TLE2: variants seen among roughly 807,000 people sequenced by gnomAD.
TLE2 encodes TLE family member 2, transcriptional corepressor.
A neutral mutation model predicts 97.2 loss-of-function variants in TLE2; 74 were observed. That is an observed-to-expected ratio of 0.76 (90% confidence interval 0.63 to 0.92). TLE2 has a LOEUF of 0.92. TLE2 is among the 40% of genes least tolerant of loss of function. TLE2 has a pLI of 0.00. For missense variants in TLE2, 1,038 were observed against 1,008.7 expected (o/e 1.03, Z -0.39); for synonymous variants, 499 against 432.1 (o/e 1.15, Z -1.92).
chr19:3,029,599 C>T (rs1835718207), upstream of TLE2: 1 of 447,066 alleles, frequency 2.2e-6, no homozygotes. Flanking sequence ...AGTCTGGAGT[C>T]GGAAATGGCT....
chr19:3,015,903 A>C (rs952360669), intron 8 of TLE2, 143 bp from the exon 9 acceptor site: 2 of 711,904 alleles, frequency 2.8e-6, no homozygotes, highest in African/African-American at 3.5e-5. Context: ...GGGAGCTTCC[A>C]ACGGCTGACT....
Position 3,029,244 on chromosome 19 carries a change from C to T in TLE2, c.-340G>A, listed in dbSNP as rs989327386. ...CGGTGGCGGCGGCGCGGGCGGCGGG[C>T]CCCGCGCGGAGCCGCCTCCCTCCGG... is the stretch of plus-strand genomic sequence containing the variant. On this transcript the variant is annotated 5_prime_UTR_variant, in exon 1 of 20. Coordinates refer to ENST00000262953, the MANE Select transcript of TLE2 (RefSeq NM_003260.5). The T allele has an allele frequency of 3.7e-6, 1 of 267,248 alleles. No individual in the cohort carries two copies. The highest frequency in any genetic ancestry group is 5.6e-6 in the Non-Finnish European group (1 of 177,836). The allele number at this position is 267,248 out of a possible 1,614,324, so 16.6% of individuals were successfully genotyped here.
At chr19:2,999,462 TCA>T (rs2089301372) in intron 19 of TLE2, among the ~76,000 whole-genome samples, 1 of 152,114 alleles carries the variant, frequency 6.6e-6, no homozygotes, top group Non-Finnish European at 1.5e-5. Flanking sequence ...GTGTGGTGGC[TCA>T]CACCTGTAAT....
chr19:3,023,240 A>G (rs2089881303), intron 5 of TLE2, among the ~76,000 whole-genome samples: 1 of 151,890 alleles, frequency 6.6e-6, no homozygotes, highest in African/African-American at 2.4e-5. Flanking sequence ...GTTTCACCAT[A>G]CTGGCCAGGT....
At chr19:3,025,409 C>T (rs551562122) in intron 4 of TLE2, 16 of 1,145,844 alleles carry the variant, frequency 1.4e-5, no homozygotes, top group South Asian at 3.3e-5. Flanking sequence ...CCAACTCAGA[C>T]GCAGACACTC....
At chr19:2,998,148 G>A (rs974484122) in intron 19 of TLE2, among the ~76,000 whole-genome samples, 193 bp from the exon 20 acceptor site, 5 of 151,862 alleles carry the variant, frequency 3.3e-5, no homozygotes, top group Admixed American at 1.3e-4. Context: ...TTGGCTCACT[G>A]CAACCTCCAC....
chr19:2,998,119 G>C (rs1476944390), intron 19 of TLE2, among the ~76,000 whole-genome samples, 164 bp from the exon 20 acceptor site: 6 of 151,936 alleles, frequency 3.9e-5, no homozygotes. Flanking sequence ...CGCCCAGGCT[G>C]AAGTGCAGTG....
chr19:3,022,913 T>C (rs563053847), intron 5 of TLE2, among the ~76,000 whole-genome samples: 3 of 152,280 alleles, frequency 2.0e-5, no homozygotes, highest in African/African-American at 7.2e-5. Context: ...GGAAATGATA[T>C]GTACATGAGT....
chr19:3,024,751 G>A (rs564651548), intron 5 of TLE2, among the ~76,000 whole-genome samples: 24 of 152,318 alleles, frequency 1.6e-4, no homozygotes, highest in African/African-American at 5.5e-4. Context: ...AGGGCTTGAG[G>A]GGGTCAGCTC....
intron 5 of TLE2, among the ~76,000 whole-genome samples, chr19:3,023,326 G>A (rs944289299): frequency 6.6e-6 from 1 of 152,114 alleles, no homozygotes; most frequent in Non-Finnish European, 1.5e-5. Flanking sequence ...GTGAGCCACT[G>A]GGCTCGGCCT....
chr19:3,045,622 GC>G (rs1463847606), intron 1 of TLE2: 1 of 354,848 alleles, frequency 2.8e-6, no homozygotes, highest in East Asian at 8.0e-5. Flanking sequence ...TTCGAGACCA[GC>G]CTGGCCAACA....
intron 8 of TLE2, 127 bp from the exon 9 acceptor site, chr19:3,015,887 G>C (rs756460712): frequency 7.1e-5 from 52 of 734,744 alleles, no homozygotes; most frequent in Non-Finnish European, 1.1e-4. Flanking sequence ...TTCCCATCTG[G>C]GAAATGGGAG....
At chr19:2,998,313 T>C (rs1176676841) in intron 19 of TLE2, among the ~76,000 whole-genome samples, 1 of 150,192 alleles carries the variant, frequency 6.7e-6, no homozygotes, top group East Asian at 2.0e-4. Flanking sequence ...GGTCTAACTC[T>C]GTTGCCCAGG....
rs1375736548 is a variant in TLE2 at position 3,022,541 on chromosome 19, A to AT, written c.294+2478_294+2479insA. Among the ~76,000 whole-genome samples the AT allele has an allele frequency of 3.4e-4, 52 of 152,198 alleles. 1 individual carries two copies. The highest frequency in any genetic ancestry group is 1.3e-4 in the Admixed American group (2 of 15,270). On this transcript the variant is annotated intron_variant, in intron 5 of 19. Transcript: ENST00000262953. ...AAGACTCTGTCTCAAAAAAAAAAAA[A>AT]ATTTTTTTAAGGAAAAAAATAATAG... is the stretch of plus-strand genomic sequence containing the variant.
In TLE2 at chr19:3,026,455, T is replaced by TAAAA. The variant is rs34783402; in HGVS notation, c.231+1370_231+1373dup. ...AAGAGTGAAACTTTGTCTCAAAATTTAAAAAAAAAAAAAAAAAAAAAAAAT... is the reference window on the plus strand; with the variant it reads ...AAGAGTGAAACTTTGTCTCAAAATTTAAAAAAAAAAAAAAAAAAAAAAAAAAAAT... On this transcript the variant is annotated intron_variant, in intron 4 of 19. Coordinates refer to ENST00000262953, the MANE Select transcript of TLE2 (RefSeq NM_003260.5). Among the ~76,000 whole-genome samples, 1,024 of 111,246 alleles carry TAAAA rather than the reference T, an allele frequency of 9.2e-3. 9 individuals carry two copies. The highest frequency in any genetic ancestry group is 0.031 in the African/African-American group (963 of 30,734). 73.0% of individuals were successfully genotyped at this position (111,246 alleles called of 152,430 possible). A position where few individuals can be genotyped will look rare whatever the true frequency, so the allele number is the denominator to read the frequency against.
At chr19:3,022,478 G>A (rs943012718) in intron 5 of TLE2, among the ~76,000 whole-genome samples, 4 of 150,946 alleles carry the variant, frequency 2.6e-5, no homozygotes, top group African/African-American at 9.8e-5. Context: ...GCAGTGAGCT[G>A]AGATCGTGCC....
intron 1 of TLE2, among the ~76,000 whole-genome samples, chr19:3,044,512 C>T (rs552834621): frequency 6.6e-6 from 1 of 152,302 alleles, no homozygotes; most frequent in South Asian, 2.1e-4. Flanking sequence ...CTCCACCTCC[C>T]GGGTTCAAGT....
chr19:3,008,083 GAAAACAAAAC>G (rs3831629), intron 14 of TLE2, among the ~76,000 whole-genome samples: 3 of 151,750 alleles, frequency 2.0e-5, no homozygotes, highest in East Asian at 1.9e-4. Flanking sequence ...CTCAGTCTCA[GAAAACAAAAC>G]AAAACAAAAC....
At chr19:3,013,397 A>AG (rs2089636863) in intron 11 of TLE2, among the ~76,000 whole-genome samples, 1 of 151,986 alleles carries the variant, frequency 6.6e-6, no homozygotes. Context: ...TATTGATTGC[A>AG]AGAGAGAGAC....
Sources: allele counts gnomAD v4.1 joint callset (sites outside exome capture counted in the v4.1 genomes callset), GRCh38; gene constraint gnomAD v4.1.1; transcripts MANE v1.5; gene names NCBI Gene and HGNC (gene_info 2026-07-23, HGNC 2026-07-21).